The following NOL4L variants were observed in gnomAD, a reference collection of about 807,000 sequenced individuals.
NOL4L encodes nucleolar protein 4-like.
In NOL4L, 7 loss-of-function variants were observed where a neutral mutation model predicts 64.5. The observed-to-expected ratio is 0.11, with a 90% CI of 0.06 to 0.20. The LOEUF is 0.20. Among genes scored for constraint, NOL4L ranks in the 10% least tolerant of loss-of-function variants. NOL4L has a pLI of 1.00. For missense variants in NOL4L, 680 were observed against 967.1 expected (o/e 0.70, Z 3.94); for synonymous variants, 413 against 401.0 (o/e 1.03, Z -0.36).
chr20:32,543,355 C>G (rs996681916), intron 1 of NOL4L, among the ~76,000 whole-genome samples: 2 of 152,156 alleles, frequency 1.3e-5, no homozygotes, highest in African/African-American at 4.8e-5. Context: ...CACGGTGGCT[C>G]ATGCCTGTAA....
At chr20:32,558,930 G>A (rs546892978) in intron 1 of NOL4L, among the ~76,000 whole-genome samples, 7 of 152,320 alleles carry the variant, frequency 4.6e-5, no homozygotes, top group African/African-American at 1.4e-4. Context: ...AGGGGCCGCC[G>A]AGAACCAGTG....
intron 1 of NOL4L, among the ~76,000 whole-genome samples, chr20:32,554,120 A>C (rs1465881745): frequency 2.0e-5 from 3 of 152,080 alleles, no homozygotes; most frequent in Non-Finnish European, 4.4e-5. Context: ...GGAGATCGAG[A>C]CCATCCTGGC....
At chr20:32,537,802 G>C in intron 1 of NOL4L, among the ~76,000 whole-genome samples, 1 of 149,530 alleles carries the variant, frequency 6.7e-6, no homozygotes, top group African/African-American at 2.5e-5. Flanking sequence ...TTTTGGAGAC[G>C]GAATCTTGCT....
chr20:32,572,940 A>C (rs1228198401), intron 1 of NOL4L, among the ~76,000 whole-genome samples: 1 of 152,194 alleles, frequency 6.6e-6, no homozygotes, highest in Non-Finnish European at 1.5e-5. Context: ...GCATAAGCAG[A>C]GAGCAGTTCT....
chr20:32,480,637 C>G (rs55829681), intron 4 of NOL4L, among the ~76,000 whole-genome samples: 2 of 152,204 alleles, frequency 1.3e-5, no homozygotes, highest in African/African-American at 2.4e-5. Context: ...GCATTACACA[C>G]GCAGCCTTCT....
Position 32,583,990 on chromosome 20 carries a change from G to C in NOL4L, c.321+580C>G, listed in dbSNP as rs1232654847. On this transcript the variant is annotated intron_variant, in intron 1 of 10. Coordinates refer to ENST00000621426, the MANE Select transcript of NOL4L (RefSeq NM_001256798.2). ...GCTGCGGCTCCGGCCGCCCCTCCCCGGGCCAGCCCCGGGTGGGGTCGGGGC... is the reference window on the plus strand; with the variant it reads ...GCTGCGGCTCCGGCCGCCCCTCCCCCGGCCAGCCCCGGGTGGGGTCGGGGC... 3.6e-5 allele frequency among the ~76,000 whole-genome samples: 5 copies of C among 140,446 alleles called. No homozygotes were observed. The East Asian group carries it at 8.5e-4, about 24-fold the overall frequency. 92.1% of individuals were successfully genotyped at this position (140,446 alleles called of 152,430 possible).
At chr20:32,498,575 C>T (rs8125273) in intron 4 of NOL4L, among the ~76,000 whole-genome samples, 2,634 of 151,772 alleles carry the variant, frequency 0.017, 58 homozygotes, top group African/African-American at 0.059. Context: ...CCAGCCTGGG[C>T]AACACGTGAA....
chr20:32,584,340 G>T (rs1482714182), intron 1 of NOL4L, among the ~76,000 whole-genome samples: 1 of 151,168 alleles, frequency 6.6e-6, no homozygotes, highest in Non-Finnish European at 1.5e-5. Flanking sequence ...GCACGGCCAC[G>T]GCCCGGGCAG....
chr20:32,525,839 C>T (rs1415484488), intron 2 of NOL4L, among the ~76,000 whole-genome samples: 1 of 152,148 alleles, frequency 6.6e-6, no homozygotes, highest in African/African-American at 2.4e-5. Flanking sequence ...CTCACTGCAA[C>T]CTCTGTTTCC....
intron 4 of NOL4L, among the ~76,000 whole-genome samples, chr20:32,488,784 TTCCTTCCTTTCTTTCTTTCTTTTTCTTTC>T: frequency 4.4e-5 from 2 of 45,862 alleles, no homozygotes; most frequent in South Asian, 1.3e-3. Flanking sequence ...CCTTCCTTCC[TTCCTTCCTTTCTTTCTTTCTTTTTCTTTC>T]TTTCTTTCTT....
chr20:32,488,185 C>A (rs1402764255), intron 4 of NOL4L, among the ~76,000 whole-genome samples: 2 of 152,194 alleles, frequency 1.3e-5, no homozygotes, highest in African/African-American at 2.4e-5. Context: ...CCGCCTTGGC[C>A]TTCCAAAGAC....
At chr20:32,537,048 C>A in intron 1 of NOL4L, 1 of 984,320 alleles carries the variant, frequency 1.0e-6, no homozygotes, top group Non-Finnish European at 1.2e-6. Context: ...TCCCGGCGCA[C>A]CTGCCCTGCC....
intron 2 of NOL4L, among the ~76,000 whole-genome samples, chr20:32,526,682 G>A (rs1438310594): frequency 6.6e-6 from 1 of 152,152 alleles, no homozygotes; most frequent in Non-Finnish European, 1.5e-5. Context: ...AGTCGGCATG[G>A]AGGACACTGG....
At chr20:32,474,875 G>A in intron 4 of NOL4L, 133 bp from the exon 5 acceptor site, 2 of 1,431,244 alleles carry the variant, frequency 1.4e-6, no homozygotes, top group Admixed American at 2.8e-5. Context: ...CTCAAACCTT[G>A]AAGTGAGGGC....
chr20:32,548,424 G>A (rs1250666583), intron 1 of NOL4L: 2 of 153,050 alleles, frequency 1.3e-5, no homozygotes, highest in African/African-American at 2.4e-5. Context: ...GAAGTGGGCG[G>A]AGACACTCTC....
rs186060304 is a variant in NOL4L at position 32,480,353 on chromosome 20, G to A, written c.700-5611C>T. On this transcript the variant is annotated intron_variant, in intron 4 of 10. Transcript: ENST00000621426. ...AGCCCTGGGTGTGTGTTTCAGAGGA[G>A]GGCAGGGGCAGGGATGTGCAGGGGA... Among the ~76,000 whole-genome samples the A allele has an allele frequency of 5.3e-5, 8 of 152,334 alleles. No individual in the cohort carries two copies. In the East Asian group the frequency reaches 1.4e-3, roughly 26 times the overall value.
rs1261958171 is a variant in NOL4L, at chr20:32,443,228, G to C, written c.*4368C>G. On this transcript the variant is annotated 3_prime_UTR_variant, in exon 11 of 11. Transcript: ENST00000621426. ...TTGGTCTTTTGTTAAGTGAGGGAGA[G>C]AGGGAGTCGGCCTGTGCTAGTCATT... 6.6e-6 allele frequency: 1 copy of C among 152,232 alleles called. No individual in the cohort carries two copies. The highest frequency in any genetic ancestry group is 1.9e-4 in the East Asian group (1 of 5,208). The allele number at this position is 152,232 out of a possible 1,614,324, so 9.4% of individuals were successfully genotyped here. A position where few individuals can be genotyped will look rare whatever the true frequency, so the allele number is the denominator to read the frequency against.
chr20:32,480,328 A>G (rs1042262701), intron 4 of NOL4L, among the ~76,000 whole-genome samples: 2 of 152,200 alleles, frequency 1.3e-5, no homozygotes, highest in South Asian at 2.1e-4. Flanking sequence ...CCTGACCAGG[A>G]GCCCTGGGTG....
At chr20:32,572,042 G>A (rs1440502956) in intron 1 of NOL4L, among the ~76,000 whole-genome samples, 1 of 152,206 alleles carries the variant, frequency 6.6e-6, no homozygotes, top group Non-Finnish European at 1.5e-5. Context: ...CAACTCCCCA[G>A]CCTGGGATGA....
Sources: allele counts gnomAD v4.1 joint callset (sites outside exome capture counted in the v4.1 genomes callset), GRCh38; gene constraint gnomAD v4.1.1; transcripts MANE v1.5; gene names NCBI Gene and HGNC (gene_info 2026-07-23, HGNC 2026-07-21).